ROBO2: variants seen among roughly 807,000 people sequenced by gnomAD.
ROBO2 encodes roundabout homolog 2.
ROBO2 carries 53 observed loss-of-function variants against 160.8 expected under a neutral mutation model. The observed-to-expected ratio is 0.33, with a 90% CI of 0.26 to 0.41. ROBO2 has a LOEUF of 0.41. Ranked by LOEUF, ROBO2 falls within the 10% of genes least tolerant of loss-of-function variation. The probability of loss-of-function intolerance (pLI) is 1.00; values close to 1 mark genes in which losing one functional copy is unlikely to be tolerated. For missense variants in ROBO2, 1,577 were observed against 1,722.4 expected (o/e 0.92, Z 1.49); for synonymous variants, 664 against 611.7 (o/e 1.09, Z -1.26).
At chr3:77,282,116 G>A (rs765173190) in intron 2 of ROBO2, among the ~76,000 whole-genome samples, 8 of 151,572 alleles carry the variant, frequency 5.3e-5, no homozygotes, top group Non-Finnish European at 8.8e-5. Flanking sequence ...AGGAAAAAAT[G>A]TCTCTACATG....
chr3:75,978,471 T>C lies in ROBO2; in HGVS notation c.109+40869T>C, dbSNP rs547921406. On this transcript the variant is annotated intron_variant, in intron 2 of 26. Coordinates refer to the ROBO2 transcript ENST00000487694. ...ATTTTACCTATGTTTTACCAAAACA[T>C]TTTCTAAATGCTTCACAATTTTAAA... is the stretch of plus-strand genomic sequence containing the variant. 5.9e-5 allele frequency among the ~76,000 whole-genome samples: 9 copies of C among 151,680 alleles called. No individual in the cohort carries two copies. In the South Asian group the frequency reaches 1.0e-3, roughly 17 times the overall value.
intron 22 of ROBO2, 73 bp from the exon 24 acceptor site, chr3:77,622,154 A>G (rs1248413707): frequency 5.1e-6 from 7 of 1,359,256 alleles, no homozygotes; most frequent in Non-Finnish European, 7.3e-6. Context: ...TATAGCATGC[A>G]TTTAATTAAA....
intron 2 of ROBO2, among the ~76,000 whole-genome samples, chr3:76,093,893 A>G (rs2069332210): frequency 6.6e-6 from 1 of 152,180 alleles, no homozygotes; most frequent in African/African-American, 2.4e-5. Context: ...GGTCAGCCTC[A>G]TAAGTATAAG....
intron 2 of ROBO2, among the ~76,000 whole-genome samples, chr3:76,771,238 A>G (rs2061887094): frequency 6.6e-6 from 1 of 151,258 alleles, no homozygotes; most frequent in African/African-American, 2.4e-5. Context: ...AAAACATGCC[A>G]CCGATGATCT....
chr3:76,891,196 T>G (rs2074319977), intron 2 of ROBO2, among the ~76,000 whole-genome samples: 1 of 152,162 alleles, frequency 6.6e-6, no homozygotes, highest in Admixed American at 6.5e-5. Context: ...CTTACCAGTA[T>G]TTTGTTTAGA....
chr3:75,955,046 T>C (rs2107221659), intron 2 of ROBO2, among the ~76,000 whole-genome samples: 1 of 151,944 alleles, frequency 6.6e-6, no homozygotes, highest in Non-Finnish European at 1.5e-5. Context: ...TATTAGAAGA[T>C]AAATTAGTAG....
At chr3:76,022,501 G>A (rs994754870) in intron 2 of ROBO2, among the ~76,000 whole-genome samples, 5 of 151,756 alleles carry the variant, frequency 3.3e-5, no homozygotes, top group Non-Finnish European at 5.9e-5. Flanking sequence ...TGATTCAGCG[G>A]CTACAGAATG....
intron 2 of ROBO2, among the ~76,000 whole-genome samples, chr3:77,328,165 C>G (rs1264123020): frequency 6.6e-6 from 1 of 151,968 alleles, no homozygotes; most frequent in East Asian, 1.9e-4. Context: ...CCCTCTGCCC[C>G]CATCACTTCC....
intron 2 of ROBO2, among the ~76,000 whole-genome samples, chr3:76,582,628 TA>T (rs1440079833): frequency 6.6e-6 from 1 of 152,180 alleles, no homozygotes; most frequent in African/African-American, 2.4e-5. Flanking sequence ...ATTAAGTATA[TA>T]AAAATAAATT....
At chr3:77,527,661 G>A (rs571130616) in intron 6 of ROBO2, among the ~76,000 whole-genome samples, 1 of 151,552 alleles carries the variant, frequency 6.6e-6, no homozygotes, top group South Asian at 2.1e-4. Flanking sequence ...AATGATAAAT[G>A]TTTATGAACT....
chr3:76,944,498 A>G (rs888400821), intron 2 of ROBO2, among the ~76,000 whole-genome samples: 2 of 152,214 alleles, frequency 1.3e-5, no homozygotes, highest in African/African-American at 2.4e-5. Context: ...GGAAAATTGT[A>G]GCCATCAATT....
chr3:76,344,552 G>T (rs1479022794), intron 2 of ROBO2, among the ~76,000 whole-genome samples: 1 of 152,138 alleles, frequency 6.6e-6, no homozygotes, highest in Non-Finnish European at 1.5e-5. Context: ...GTTATTTGTA[G>T]TAGTCTATGT....
intron 2 of ROBO2, among the ~76,000 whole-genome samples, chr3:77,366,230 T>C (rs1315487003): frequency 6.6e-6 from 1 of 152,210 alleles, no homozygotes; most frequent in Non-Finnish European, 1.5e-5. Context: ...TGGGTATTTC[T>C]GGTCAGGGTG....
At chr3:76,922,895 T>C (rs544975841) in intron 2 of ROBO2, among the ~76,000 whole-genome samples, 1 of 152,240 alleles carries the variant, frequency 6.6e-6, no homozygotes, top group Non-Finnish European at 1.5e-5. Context: ...ATTTAGTCAC[T>C]GATACAGGCT....
chr3:77,402,611 G>T (rs956208706), intron 2 of ROBO2, among the ~76,000 whole-genome samples: 8 of 151,966 alleles, frequency 5.3e-5, no homozygotes, highest in Non-Finnish European at 1.0e-4. Context: ...AGTTTAACTG[G>T]TATATGACCT....
chr3:76,413,030 A>AGAACTG (rs1162977743), intron 2 of ROBO2, among the ~76,000 whole-genome samples: 1 of 152,238 alleles, frequency 6.6e-6, no homozygotes, highest in Non-Finnish European at 1.5e-5. Context: ...TTCTGTGCAC[A>AGAACTG]TGCAGTCTCA....
At chr3:76,791,344 A>G (rs2063337813) in intron 2 of ROBO2, among the ~76,000 whole-genome samples, 1 of 151,508 alleles carries the variant, frequency 6.6e-6, no homozygotes, top group South Asian at 2.1e-4. Context: ...CCTGTGTGAT[A>G]CTCTCTCATG....
intron 2 of ROBO2, among the ~76,000 whole-genome samples, chr3:76,593,323 C>A (rs982581777): frequency 6.6e-6 from 1 of 151,920 alleles, no homozygotes; most frequent in Admixed American, 6.6e-5. Context: ...GGCTAATGAC[C>A]TGGAGAAAGA....
At chr3:76,241,093 T>C (rs1705254993) in intron 2 of ROBO2, among the ~76,000 whole-genome samples, 1 of 152,216 alleles carries the variant, frequency 6.6e-6, no homozygotes, top group Non-Finnish European at 1.5e-5. Context: ...TAGCATCTCA[T>C]TTACATTTCA....
Sources: allele counts gnomAD v4.1 joint callset (sites outside exome capture counted in the v4.1 genomes callset), GRCh38; gene constraint gnomAD v4.1.1; transcripts MANE v1.5; gene names NCBI Gene and HGNC (gene_info 2026-07-23, HGNC 2026-07-21).